ATRNL1: variants seen among roughly 807,000 people sequenced by gnomAD.
The protein encoded by ATRNL1 is attractin like 1.
ATRNL1 carries 95 observed loss-of-function variants against 182.7 expected under a neutral mutation model. That is an observed-to-expected ratio of 0.52 (90% confidence interval 0.44 to 0.62). The LOEUF is 0.62. Among genes scored for constraint, ATRNL1 ranks in the 20% least tolerant of loss-of-function variants. The probability of loss-of-function intolerance (pLI) is 0.00; values close to 1 mark genes in which losing one functional copy is unlikely to be tolerated. For synonymous variants in ATRNL1, 576 were observed against 568.3 expected, an observed-to-expected ratio of 1.01 and a Z score of -0.19; for missense variants, 1,471 against 1,679.5, an observed-to-expected ratio of 0.88 and a Z score of 2.17.
At chr10:115,742,196 G>A (rs1397249033) in intron 27 of ATRNL1, among the ~76,000 whole-genome samples, 1 of 152,018 alleles carries the variant, frequency 6.6e-6, no homozygotes, top group Admixed American at 6.6e-5. Flanking sequence ...AGGAAGGAAG[G>A]ACATGAGATA....
At chr10:115,312,992 T>C (rs898645937) in intron 17 of ATRNL1, among the ~76,000 whole-genome samples, 1 of 152,038 alleles carries the variant, frequency 6.6e-6, no homozygotes, top group Non-Finnish European at 1.5e-5. Flanking sequence ...GTTTCTTTTT[T>C]TAAAATGTAT....
intron 27 of ATRNL1, among the ~76,000 whole-genome samples, chr10:115,815,523 A>C (rs1405499517): frequency 6.6e-6 from 1 of 151,732 alleles, no homozygotes; most frequent in African/African-American, 2.4e-5. Context: ...CTTAAATCAC[A>C]AATTACACGA....
At chr10:115,390,434 G>T (rs782440438) in intron 19 of ATRNL1, among the ~76,000 whole-genome samples, 1 of 152,116 alleles carries the variant, frequency 6.6e-6, no homozygotes, top group Non-Finnish European at 1.5e-5. Flanking sequence ...TTATTCAAGA[G>T]ACTATCTTTT....
intron 19 of ATRNL1, among the ~76,000 whole-genome samples, chr10:115,347,783 TA>T (rs1177870641): frequency 2.6e-5 from 4 of 152,054 alleles, no homozygotes; most frequent in Admixed American, 6.6e-5. Flanking sequence ...ATTCTCTGAT[TA>T]AAAACTTGCT....
At chr10:115,549,154 G>C (rs1202773253) in intron 25 of ATRNL1, among the ~76,000 whole-genome samples, 2 of 151,886 alleles carry the variant, frequency 1.3e-5, no homozygotes, top group East Asian at 3.9e-4. Context: ...ATTCTAAATA[G>C]ATTTTGGTTG....
intron 13 of ATRNL1, among the ~76,000 whole-genome samples, chr10:115,275,247 C>T (rs1554914518): frequency 6.6e-6 from 1 of 152,066 alleles, no homozygotes; most frequent in African/African-American, 2.4e-5. Context: ...GGGTTTGGGA[C>T]CCAGTGGGCC....
At chr10:115,750,791 A>G (rs1948427268) in intron 27 of ATRNL1, among the ~76,000 whole-genome samples, 1 of 152,050 alleles carries the variant, frequency 6.6e-6, no homozygotes, top group African/African-American at 2.4e-5. Context: ...CTCTATAAAA[A>G]TGGGCAAGAG....
intron 26 of ATRNL1, among the ~76,000 whole-genome samples, chr10:115,589,033 G>T (rs1442657265): frequency 6.6e-6 from 1 of 152,116 alleles, no homozygotes; most frequent in Non-Finnish European, 1.5e-5. Context: ...ATATTGATCA[G>T]TAGTGGTTGT....
intron 19 of ATRNL1, among the ~76,000 whole-genome samples, chr10:115,376,915 T>G (rs75086691): frequency 0.012 from 1,891 of 152,308 alleles, 33 homozygotes; most frequent in African/African-American, 0.042. Context: ...GAATCATTTT[T>G]TGTTTTTCTA....
chr10:115,886,668 G>C (rs1463227799), intron 28 of ATRNL1, among the ~76,000 whole-genome samples: 2 of 152,196 alleles, frequency 1.3e-5, no homozygotes, highest in Non-Finnish European at 2.9e-5. Flanking sequence ...TAATCCTAAA[G>C]AGCCACTATG....
At chr10:115,883,843 C>T (rs899699) in intron 28 of ATRNL1, among the ~76,000 whole-genome samples, 2,464 of 152,276 alleles carry the variant, frequency 0.016, 49 homozygotes, top group African/African-American at 0.056. Flanking sequence ...CAGAAATGGC[C>T]TACATTCATC....
intron 20 of ATRNL1, among the ~76,000 whole-genome samples, chr10:115,402,340 G>T (rs1426340009): frequency 6.6e-6 from 1 of 151,838 alleles, no homozygotes; most frequent in Non-Finnish European, 1.5e-5. Flanking sequence ...TTGTATTTTT[G>T]TAGGATGTCT....
chr10:115,322,877 T>A (rs1554931938), intron 18 of ATRNL1, among the ~76,000 whole-genome samples: 7 of 152,134 alleles, frequency 4.6e-5, no homozygotes, highest in Non-Finnish European at 8.8e-5. Context: ...TTTTTGTAAG[T>A]GAGAAATGAT....
At chr10:115,200,243 A>C (rs1554892027) in intron 8 of ATRNL1, among the ~76,000 whole-genome samples, 1 of 149,598 alleles carries the variant, frequency 6.7e-6, no homozygotes. Flanking sequence ...TTTTTTAATT[A>C]TACTTTAAGT....
intron 26 of ATRNL1, among the ~76,000 whole-genome samples, chr10:115,609,117 A>G (rs1857017400): frequency 6.6e-6 from 1 of 152,158 alleles, no homozygotes; most frequent in African/African-American, 2.4e-5. Context: ...GTTAACACTA[A>G]TTCACGTGAG....
At chr10:115,368,399 A>G (rs1408240795) in intron 19 of ATRNL1, among the ~76,000 whole-genome samples, 2 of 152,140 alleles carry the variant, frequency 1.3e-5, no homozygotes, top group African/African-American at 4.8e-5. Context: ...CGGTGCACGC[A>G]CCCACTGACC....
intron 1 of ATRNL1, among the ~76,000 whole-genome samples, chr10:115,116,898 A>G (rs1161756310): frequency 6.6e-6 from 1 of 152,028 alleles, no homozygotes; most frequent in Non-Finnish European, 1.5e-5. Context: ...AAATTGTACT[A>G]CTGAAGTTGA....
At chr10:115,397,981 T>A (rs1844369459) in intron 20 of ATRNL1, among the ~76,000 whole-genome samples, 1 of 151,872 alleles carries the variant, frequency 6.6e-6, no homozygotes, top group Non-Finnish European at 1.5e-5. Context: ...ATCTGGAAAC[T>A]GATAAGAAGA....
At chr10:115,892,659 T>G (rs2134466859) in intron 28 of ATRNL1, among the ~76,000 whole-genome samples, 2 of 152,358 alleles carry the variant, frequency 1.3e-5, no homozygotes, top group South Asian at 4.1e-4. Flanking sequence ...GCCACCCATC[T>G]TATTAAGTCA....
Sources: gnomAD v4.1 joint callset for allele counts (sites outside exome capture counted in the v4.1 genomes callset) on GRCh38, gnomAD v4.1.1 for gene constraint, MANE v1.5 for transcripts, NCBI Gene and HGNC (gene_info 2026-07-23, HGNC 2026-07-21) for gene names.